SPACA7: variants seen among roughly 807,000 people sequenced by gnomAD.
SPACA7 encodes sperm acrosome associated 7.
SPACA7 carries 19 observed loss-of-function variants against 26.3 expected under a neutral mutation model. The observed-to-expected ratio is 0.72, with a 90% confidence interval of 0.50 to 1.06. The LOEUF is 1.06. SPACA7 is among the 50% of genes least tolerant of loss of function. The pLI is 0.00. For synonymous variants in SPACA7, 84 were observed against 84.5 expected (o/e 0.99, Z 0.04); for missense variants, 211 against 229.9 (o/e 0.92, Z 0.53).
chr13:112,410,951 A>AT (rs1389199310), intron 5 of SPACA7, among the ~76,000 whole-genome samples: 1 of 152,138 alleles, frequency 6.6e-6, no homozygotes, highest in Non-Finnish European at 1.5e-5. Context: ...CCATTTCTTT[A>AT]TTTTTAACCA....
intron 1 of SPACA7, among the ~76,000 whole-genome samples, chr13:112,378,012 G>A (rs541366304): frequency 6.6e-6 from 1 of 152,292 alleles, no homozygotes; most frequent in South Asian, 2.1e-4. Context: ...AGTTTGCAGG[G>A]GGTGTGTCCT....
chr13:112,411,722 T>G (rs1261989674), intron 5 of SPACA7, among the ~76,000 whole-genome samples: 1 of 152,152 alleles, frequency 6.6e-6, no homozygotes, highest in Non-Finnish European at 1.5e-5. Flanking sequence ...TCACTTGACC[T>G]AATGTCCTTC....
intron 5 of SPACA7, among the ~76,000 whole-genome samples, chr13:112,418,037 C>T (rs1386633209): frequency 6.6e-6 from 1 of 152,128 alleles, no homozygotes; most frequent in Admixed American, 6.5e-5. Context: ...GCCTAGGCAG[C>T]TGCCATAGTC....
intron 1 of SPACA7, among the ~76,000 whole-genome samples, chr13:112,381,702 AACTTTGTGGGTG>A (rs1417401283): frequency 6.6e-6 from 1 of 152,172 alleles, no homozygotes; most frequent in East Asian, 1.9e-4. Flanking sequence ...TTTTACGGAT[AACTTTGTGGGTG>A]GAGGGAAGCC....
intron 5 of SPACA7, among the ~76,000 whole-genome samples, chr13:112,409,023 A>G (rs967861498): frequency 9.9e-5 from 15 of 152,200 alleles, no homozygotes; most frequent in Non-Finnish European, 2.1e-4. Context: ...AAAGATATAG[A>G]CCAATGGAAC....
chr13:112,385,612 A>T (rs1370266556), intron 1 of SPACA7, among the ~76,000 whole-genome samples: 3 of 152,170 alleles, frequency 2.0e-5, no homozygotes, highest in Non-Finnish European at 4.4e-5. Flanking sequence ...AAGTCAAGGA[A>T]ATAGTTTGAC....
chr13:112,431,112 A>G (rs1171130627), intron 5 of SPACA7, among the ~76,000 whole-genome samples: 1 of 152,216 alleles, frequency 6.6e-6, no homozygotes. Context: ...TCTTTCCTAA[A>G]ACTTAAAAAT....
intron 5 of SPACA7, among the ~76,000 whole-genome samples, chr13:112,426,270 G>C (rs1876526620): frequency 6.6e-6 from 1 of 152,106 alleles, no homozygotes; most frequent in South Asian, 2.1e-4. Flanking sequence ...ATTTTGTTTT[G>C]TTGATGTAAG....
intron 4 of SPACA7, among the ~76,000 whole-genome samples, chr13:112,399,570 G>A (rs1885506499): frequency 2.0e-5 from 3 of 152,232 alleles, no homozygotes; most frequent in Admixed American, 2.0e-4. Context: ...CAGAAGTAGG[G>A]AAAAGCCTCC....
intron 1 of SPACA7, among the ~76,000 whole-genome samples, chr13:112,382,068 C>T (rs536408692): frequency 2.0e-5 from 3 of 152,290 alleles, no homozygotes; most frequent in Admixed American, 2.0e-4. Context: ...TTTGTTTAAA[C>T]TATAAACTAG....
chr13:112,400,522 G>T (rs1885570989), intron 4 of SPACA7, among the ~76,000 whole-genome samples: 1 of 152,128 alleles, frequency 6.6e-6, no homozygotes, highest in Non-Finnish European at 1.5e-5. Context: ...TAGTCTGTGG[G>T]TTATAAAACA....
Position 112,434,524 on chromosome 13 carries a change from AGAG to A in SPACA7, c.570_572del (p.Arg190del), listed in dbSNP as rs774741945. 6.2e-7 allele frequency: 1 copy of A among 1,610,346 alleles called. No homozygotes were observed. On this transcript the variant is annotated inframe_deletion, in exon 7 of 7. Coordinates refer to ENST00000283550, the MANE Select transcript of SPACA7 (RefSeq NM_145248.5). Reference sequence around the variant, plus strand: ...AAAGAGCAGCAGAGGACCAGCGCACAGAGGAGGAGCCAAGGCAGTCAGTGAGGC... The same window carrying A: ...AAAGAGCAGCAGAGGACCAGCGCACAGAGGAGCCAAGGCAGTCAGTGAGGC...
At chr13:112,407,263 C>G (rs990659898) in intron 5 of SPACA7, among the ~76,000 whole-genome samples, 1 of 152,096 alleles carries the variant, frequency 6.6e-6, no homozygotes, top group South Asian at 2.1e-4. Flanking sequence ...CAAGAGAAAG[C>G]AGGAAATATC....
chr13:112,402,202 C>T (rs1256664786), intron 5 of SPACA7, among the ~76,000 whole-genome samples: 1 of 152,162 alleles, frequency 6.6e-6, no homozygotes, highest in Non-Finnish European at 1.5e-5. Context: ...TGTTCAATGT[C>T]ATTTCCTATC....
At chr13:112,383,692 A>G (rs1884353311) in intron 1 of SPACA7, among the ~76,000 whole-genome samples, 1 of 152,206 alleles carries the variant, frequency 6.6e-6, no homozygotes, top group Non-Finnish European at 1.5e-5. Flanking sequence ...TATTTAGCAC[A>G]GGTCAGGAAC....
chr13:112,405,076 G>A (rs1207705926), intron 5 of SPACA7, among the ~76,000 whole-genome samples: 3 of 147,144 alleles, frequency 2.0e-5, no homozygotes, highest in African/African-American at 5.0e-5. Flanking sequence ...TCCGCCTCCC[G>A]GGTTCACGCC....
chr13:112,421,475 A>G (rs1253721629), intron 5 of SPACA7, among the ~76,000 whole-genome samples: 1 of 152,214 alleles, frequency 6.6e-6, no homozygotes, highest in Non-Finnish European at 1.5e-5. Context: ...AGACAAGGGG[A>G]AAAAGAAATA....
chr13:112,414,310 TTTATTATTG>T (rs754026222), intron 5 of SPACA7, among the ~76,000 whole-genome samples: 9 of 18,968 alleles, frequency 4.7e-4, no homozygotes, highest in Non-Finnish European at 6.5e-4. Flanking sequence ...AGCCCCAGGA[TTTATTATTG>T]TTATTATTGT....
chr13:112,380,810 C>T (rs1884008354), intron 1 of SPACA7, among the ~76,000 whole-genome samples: 1 of 152,182 alleles, frequency 6.6e-6, no homozygotes, highest in South Asian at 2.1e-4. Flanking sequence ...TCTTCACCCT[C>T]ATTATTTCCA....
Sources: allele counts gnomAD v4.1 joint callset (sites outside exome capture counted in the v4.1 genomes callset), GRCh38; gene constraint gnomAD v4.1.1; transcripts MANE v1.5; gene names NCBI Gene and HGNC (gene_info 2026-07-23, HGNC 2026-07-21).